Variants in RBMS3 observed in about 807,000 individuals in gnomAD.
RBMS3 encodes the protein RNA-binding motif, single-stranded-interacting protein 3.
A neutral mutation model predicts 66.8 loss-of-function variants in RBMS3; 27 were observed. The observed-to-expected ratio is 0.40, with a 90% CI of 0.30 to 0.56. RBMS3 has a LOEUF of 0.56. RBMS3 is among the 20% of genes least tolerant of loss of function. The probability of loss-of-function intolerance (pLI) is 0.40; values close to 1 mark genes in which losing one functional copy is unlikely to be tolerated. For synonymous variants in RBMS3, 188 were observed against 183.0 expected (o/e 1.03, Z -0.22); for missense variants, 513 against 549.5 (o/e 0.93, Z 0.66).
chr3:29,434,962 C>T (rs768400524), intron 2 of RBMS3, 47 bp downstream of exon 2: 1 of 1,555,988 alleles, frequency 6.4e-7, no homozygotes, highest in Non-Finnish European at 8.8e-7. Context: ...CCCATACTTG[C>T]CTTGGTGGGC....
intron 4 of RBMS3, among the ~76,000 whole-genome samples, chr3:29,711,957 A>G (rs1196417843): frequency 2.0e-5 from 3 of 152,214 alleles, no homozygotes; most frequent in East Asian, 1.9e-4. Flanking sequence ...TGGATAGCTC[A>G]TAAATAACAG....
intron 11 of RBMS3, among the ~76,000 whole-genome samples, chr3:29,940,020 T>G (rs144081459): frequency 1.2e-4 from 18 of 151,948 alleles, no homozygotes; most frequent in African/African-American, 4.1e-4. Context: ...CCATTTTCCC[T>G]GTAGTCAAAC....
intron 14 of RBMS3, among the ~76,000 whole-genome samples, chr3:29,995,129 G>T (rs1276076920): frequency 6.6e-6 from 1 of 152,226 alleles, no homozygotes; most frequent in Non-Finnish European, 1.5e-5. Context: ...GAAGAATGCA[G>T]AAGCCTCAGG....
intron 3 of RBMS3, among the ~76,000 whole-genome samples, chr3:29,498,321 A>G (rs77122880): frequency 0.024 from 3,668 of 151,964 alleles, 101 homozygotes; most frequent in Admixed American, 0.09. Flanking sequence ...AATTCAGAGT[A>G]CTTATTTTGT....
chr3:29,486,284 G>C (rs2125828012), intron 2 of RBMS3, among the ~76,000 whole-genome samples: 1 of 152,208 alleles, frequency 6.6e-6, no homozygotes, highest in East Asian at 1.9e-4. Context: ...GTTGTTTAAA[G>C]CATATCCTAG....
chr3:29,547,440 A>G (rs762459665), intron 3 of RBMS3, among the ~76,000 whole-genome samples: 15 of 152,038 alleles, frequency 9.9e-5, no homozygotes, highest in Non-Finnish European at 1.8e-4. Flanking sequence ...TTACTCTTCT[A>G]TCAATCAGTT....
chr3:29,447,320 A>G (rs1343014317), intron 2 of RBMS3, among the ~76,000 whole-genome samples: 3 of 152,226 alleles, frequency 2.0e-5, no homozygotes, highest in Non-Finnish European at 4.4e-5. Flanking sequence ...TTATTGAAAT[A>G]TTCAATTATA....
rs1258475053 is a variant in RBMS3, at chr3:29,494,804, C to T, written c.307+6305C>T. Among the ~76,000 whole-genome samples, 4 of 152,146 alleles carry T rather than the reference C, an allele frequency of 2.6e-5. No homozygotes were observed. The East Asian group carries it at 7.7e-4, about 29-fold the overall frequency. ...TTTCTCCCTGCACCCACCAGCCTTA[C>T]CACCATCATATTTCCGACAGGCTAT... On this transcript the variant is annotated intron_variant, in intron 3 of 14. Coordinates refer to ENST00000383767, the MANE Select transcript of RBMS3 (RefSeq NM_001003793.3).
intron 4 of RBMS3, among the ~76,000 whole-genome samples, chr3:29,669,048 G>A (rs1233005764): frequency 6.6e-6 from 1 of 152,168 alleles, no homozygotes; most frequent in Non-Finnish European, 1.5e-5. Context: ...CCTGTTCTCT[G>A]GAAAATTGCC....
chr3:29,379,892 G>A (rs1011009255), intron 1 of RBMS3, among the ~76,000 whole-genome samples: 18 of 152,222 alleles, frequency 1.2e-4, no homozygotes, highest in African/African-American at 3.9e-4. Flanking sequence ...AAATAAGCAA[G>A]GGGTGGGAAT....
At chr3:29,631,377 T>C (rs1210175451) in intron 4 of RBMS3, among the ~76,000 whole-genome samples, 1 of 151,924 alleles carries the variant, frequency 6.6e-6, no homozygotes, top group African/African-American at 2.4e-5. Context: ...TTTTCTGTTA[T>C]CTTGAGGGTC....
At chr3:29,743,193 A>G (rs1576672111) in intron 5 of RBMS3, among the ~76,000 whole-genome samples, 1 of 152,176 alleles carries the variant, frequency 6.6e-6, no homozygotes, top group South Asian at 2.1e-4. Flanking sequence ...TTCTCAAGCA[A>G]TTATGGCTTT....
At chr3:29,817,192 C>CTTTGTTT (rs1553677828) in intron 6 of RBMS3, among the ~76,000 whole-genome samples, 3,301 of 127,182 alleles carry the variant, frequency 0.026, 92 homozygotes, top group East Asian at 0.14. Context: ...ATTTTCTTTT[C>CTTTGTTT]TTTTTTTTTT....
intron 7 of RBMS3, among the ~76,000 whole-genome samples, chr3:29,882,689 C>G (rs1049566306): frequency 1.3e-5 from 2 of 152,006 alleles, no homozygotes; most frequent in African/African-American, 2.4e-5. Context: ...ATCAGGCCCT[C>G]TGTTAGAAGA....
chr3:29,925,714 G>A (rs1019711006), intron 10 of RBMS3, among the ~76,000 whole-genome samples: 18 of 152,174 alleles, frequency 1.2e-4, no homozygotes, highest in African/African-American at 2.6e-4. Context: ...AAAGTTTATC[G>A]TGAATATAAC....
At position 29,758,700 on chromosome 3, in the gene RBMS3, G is replaced by A. The variant is rs187209794; in HGVS notation, c.558-4210G>A. On this transcript the variant is annotated intron_variant, in intron 5 of 14. Transcript: ENST00000383767. ...ATCGCATTCATTCATCTTTGTTTCT[G>A]GAACTCACTATTTTATTCCTTCCGT... 1.4e-3 allele frequency among the ~76,000 whole-genome samples: 209 copies of A among 152,242 alleles called. 1 individual carries two copies. The highest frequency in any genetic ancestry group is 4.9e-3 in the African/African-American group (203 of 41,554).
intron 11 of RBMS3, among the ~76,000 whole-genome samples, chr3:29,937,652 C>A (rs1003197620): frequency 6.6e-6 from 1 of 151,860 alleles, no homozygotes; most frequent in Non-Finnish European, 1.5e-5. Context: ...AATGCTTGGG[C>A]TGGATCAAAT....
At chr3:29,565,716 CTTG>C (rs1013532937) in intron 3 of RBMS3, among the ~76,000 whole-genome samples, 1 of 152,146 alleles carries the variant, frequency 6.6e-6, no homozygotes, top group African/African-American at 2.4e-5. Flanking sequence ...ACTAGATATC[CTTG>C]TTTTCAATGC....
intron 1 of RBMS3, among the ~76,000 whole-genome samples, chr3:29,433,191 T>C (rs2041273502): frequency 6.6e-6 from 1 of 152,168 alleles, no homozygotes; most frequent in Admixed American, 6.5e-5. Flanking sequence ...CTTACCTTTA[T>C]GCCATGGCAC....
Sources: gnomAD v4.1 joint callset for allele counts (sites outside exome capture counted in the v4.1 genomes callset) on GRCh38, gnomAD v4.1.1 for gene constraint, MANE v1.5 for transcripts, NCBI Gene and HGNC (gene_info 2026-07-23, HGNC 2026-07-21) for gene names.